KLHL20: variants seen among roughly 807,000 people sequenced by gnomAD.
The protein encoded by KLHL20 is kelch-like protein 20.
A neutral mutation model predicts 69.5 loss-of-function variants in KLHL20; 29 were observed. The ratio of observed to expected loss-of-function variants is 0.42; its 90% CI spans 0.31 to 0.57. The LOEUF (loss-of-function observed/expected upper bound fraction) is 0.57. Among genes scored for constraint, KLHL20 ranks in the 20% least tolerant of loss-of-function variants. The probability of loss-of-function intolerance (pLI) is 0.18; values close to 1 mark genes in which losing one functional copy is unlikely to be tolerated. For missense variants in KLHL20, 419 were observed against 776.0 expected (o/e 0.54, Z 5.47); for synonymous variants, 253 against 265.2 (o/e 0.95, Z 0.45).
chr1:173,717,202 G>A (rs1671507341), intron 2 of KLHL20, among the ~76,000 whole-genome samples: 1 of 152,082 alleles, frequency 6.6e-6, no homozygotes, highest in South Asian at 2.1e-4. Context: ...ACCATAAAAT[G>A]TCATATCTTA....
intron 3 of KLHL20, among the ~76,000 whole-genome samples, chr1:173,747,706 GT>G (rs1387844273): frequency 6.6e-6 from 1 of 151,788 alleles, no homozygotes; most frequent in Non-Finnish European, 1.5e-5. Flanking sequence ...ACCTGATTCA[GT>G]TATATTTACT....
rs1474619532 is a variant in KLHL20, at chr1:173,786,406, A to G, written c.*1159A>G. 5 of 152,626 alleles carry G rather than the reference A, an allele frequency of 3.3e-5. No homozygotes were observed. The highest frequency in any genetic ancestry group is 4.8e-5 in the African/African-American group (2 of 41,446). 9.5% of individuals were successfully genotyped at this position (152,626 alleles called of 1,614,324 possible). A position where few individuals can be genotyped will look rare whatever the true frequency, so the allele number is the denominator to read the frequency against. On this transcript the variant is annotated 3_prime_UTR_variant, in exon 12 of 12. Transcript: ENST00000209884. ...AATTTTTAAGGAAAAAATAATTTCA[A>G]TGGTTAAAGTTTTTTTTCCTCATTG...
At chr1:173,783,597 G>A (rs757832255) in intron 11 of KLHL20, among the ~76,000 whole-genome samples, 5 of 152,138 alleles carry the variant, frequency 3.3e-5, no homozygotes, top group Admixed American at 2.0e-4. Flanking sequence ...GCCAGGCACG[G>A]TGGCTCATGC....
In KLHL20 at chr1:173,775,676, C is replaced by G; in HGVS notation, c.1472C>G (p.Ala491Gly). The stretch of plus-strand genomic sequence containing the variant: ...CAGGAAAACAGATGGCACACTATAG[C>G]CCCTATGGGGACCCGGAGGAAACAC... The part of the protein sequence containing the change: ...NPQENRWHTI[A>G]PMGTRRKHLG... Residue 491 changes from alanine (A) to glycine (G), a missense_variant, in exon 10 of 12, where the codon GCC (alanine) becomes GGC (glycine). Ala to Gly is a moderately conservative substitution (Grantham distance 60, BLOSUM62 0). This residue lies in a region of KLHL20 where 56 missense variants were observed against 75.9 expected (regional missense o/e 0.74). Coordinates refer to ENST00000209884, the MANE Select transcript of KLHL20 (RefSeq NM_014458.4). 6.2e-7 allele frequency: 1 copy of G among 1,614,138 alleles called. No individual in the cohort carries two copies. Among genetic ancestry groups the G allele is most frequent in the Non-Finnish European group, 8.5e-7 (1 of 1,180,018 alleles).
In KLHL20 at chr1:173,734,390, T is replaced by G. The variant is rs189915229; in HGVS notation, c.597+104T>G. ...CTGGGTATTTCCTGCTGATTCTAAC[T>G]CATAATAGCAAATAAATAAGTTATT... On this transcript the variant is annotated intron_variant, in intron 3 of 11. Coordinates refer to ENST00000209884, the MANE Select transcript of KLHL20 (RefSeq NM_014458.4). 683 of 937,286 alleles carry G rather than the reference T, an allele frequency of 7.3e-4. 4 individuals carry two copies. Among genetic ancestry groups the G allele is most frequent in the Non-Finnish European group, 8.6e-4 (503 of 582,778 alleles). The allele number at this position is 937,286 out of a possible 1,614,324, so 58.1% of individuals were successfully genotyped here.
chr1:173,751,246 G>C (rs894345491), intron 3 of KLHL20, among the ~76,000 whole-genome samples: 48 of 152,254 alleles, frequency 3.2e-4, no homozygotes, highest in Admixed American at 3.9e-4. Context: ...ATTGGTGTTT[G>C]TAGATTCTCA....
chr1:173,785,107 CT>C, intron 11 of KLHL20, 55 bp from the exon 12 acceptor site: 1 of 1,365,990 alleles, frequency 7.3e-7, no homozygotes, highest in Non-Finnish European at 1.0e-6. Context: ...TTAATAACAT[CT>C]TAGTTGTAAC....
At position 173,786,451 on chromosome 1, in the gene KLHL20, T is replaced by G. The variant is rs754864214; in HGVS notation, c.*1204T>G. On this transcript the variant is annotated 3_prime_UTR_variant, in exon 12 of 12. Coordinates refer to ENST00000209884, the MANE Select transcript of KLHL20 (RefSeq NM_014458.4). The stretch of plus-strand genomic sequence containing the variant: ...TCATTGTATTCATAGACAAATTTTT[T>G]TCAATATATTTTGCAAGAAAAATCT... 6.6e-6 allele frequency: 1 copy of G among 152,606 alleles called. No individual in the cohort carries two copies. The highest frequency in any genetic ancestry group is 1.5e-5 in the Non-Finnish European group (1 of 68,012). 9.5% of individuals were successfully genotyped at this position (152,606 alleles called of 1,614,324 possible). A position where few individuals can be genotyped will look rare whatever the true frequency, so the allele number is the denominator to read the frequency against.
intron 10 of KLHL20, among the ~76,000 whole-genome samples, chr1:173,776,252 G>A (rs1478971993): frequency 2.0e-5 from 3 of 152,042 alleles, no homozygotes; most frequent in Admixed American, 2.0e-4. Flanking sequence ...GGTCTATTCA[G>A]ATCTTTTGCC....
intron 10 of KLHL20, among the ~76,000 whole-genome samples, chr1:173,780,354 A>G (rs892911119): frequency 6.6e-6 from 1 of 152,228 alleles, no homozygotes; most frequent in African/African-American, 2.4e-5. Flanking sequence ...TATTTTATAG[A>G]AGAACATAGG....
intron 7 of KLHL20, among the ~76,000 whole-genome samples, chr1:173,763,425 C>T (rs1647449786): frequency 6.6e-6 from 1 of 152,038 alleles, no homozygotes; most frequent in Admixed American, 6.6e-5. Context: ...GCCCACATAG[C>T]CAAAGCAATA....
intron 2 of KLHL20, among the ~76,000 whole-genome samples, chr1:173,728,754 G>A (rs1164741674): frequency 6.6e-6 from 1 of 151,944 alleles, no homozygotes; most frequent in Admixed American, 6.6e-5. Context: ...TGTGTAGAGG[G>A]AAATTTATAG....
chr1:173,742,062 C>T (rs528005034), intron 3 of KLHL20: 18 of 411,088 alleles, frequency 4.4e-5, no homozygotes, highest in African/African-American at 1.4e-4. Context: ...TAACACAAAC[C>T]GATGACCTAA....
intron 2 of KLHL20, among the ~76,000 whole-genome samples, chr1:173,722,486 G>T (rs376190191): frequency 6.6e-6 from 1 of 152,014 alleles, no homozygotes; most frequent in African/African-American, 2.4e-5. Flanking sequence ...GCCAGGCGTG[G>T]TAGCATGCAC....
chr1:173,737,435 C>T (rs1332038361), intron 3 of KLHL20, among the ~76,000 whole-genome samples: 1 of 152,240 alleles, frequency 6.6e-6, no homozygotes, highest in East Asian at 1.9e-4. Flanking sequence ...CATTCTTCTA[C>T]ATGTGGCTTG....
intron 8 of KLHL20, among the ~76,000 whole-genome samples, chr1:173,771,868 T>G (rs2102528313): frequency 6.6e-6 from 1 of 152,338 alleles, no homozygotes; most frequent in South Asian, 2.1e-4. Flanking sequence ...GAATTTTAAT[T>G]GTTCTCAGGG....
intron 2 of KLHL20, among the ~76,000 whole-genome samples, chr1:173,728,285 A>T (rs1278329245): frequency 6.6e-6 from 1 of 152,196 alleles, no homozygotes; most frequent in African/African-American, 2.4e-5. Flanking sequence ...CTCCCACACA[A>T]TAATAATGGG....
intron 3 of KLHL20, among the ~76,000 whole-genome samples, chr1:173,743,018 C>G (rs2102486447): frequency 6.9e-6 from 1 of 145,834 alleles, no homozygotes; most frequent in East Asian, 2.0e-4. Flanking sequence ...ACATACATGA[C>G]AGAAAAATGG....
intron 3 of KLHL20, among the ~76,000 whole-genome samples, chr1:173,742,741 TATATGTAA>T (rs1672873947): frequency 6.6e-6 from 1 of 150,952 alleles, no homozygotes; most frequent in African/African-American, 2.4e-5. Context: ...CATGTGTGTA[TATATGTAA>T]ATATGTATAT....
Sources: gnomAD v4.1 joint callset for allele counts (sites outside exome capture counted in the v4.1 genomes callset) on GRCh38, gnomAD v4.1.1 for gene constraint, gnomAD v4.1.1 regional missense constraint, MANE v1.5 for transcripts, NCBI Gene and HGNC (gene_info 2026-07-23, HGNC 2026-07-21) for gene names.